The following ZNF738 variants were observed in gnomAD, a reference collection of about 807,000 sequenced individuals.
ZNF738 encodes the protein protein ZNF738.
A neutral mutation model predicts 9.2 loss-of-function variants in ZNF738; 10 were observed. The observed-to-expected ratio is 1.09, with a 90% CI of 0.67 to 1.85. The LOEUF (loss-of-function observed/expected upper bound fraction) is 1.85. Among genes scored for constraint, ZNF738 ranks in the 40% most tolerant of loss-of-function variants. The pLI is 0.00. For missense variants in ZNF738, 346 were observed against 283.6 expected (o/e 1.22, Z -1.58); for synonymous variants, 113 against 94.5 (o/e 1.20, Z -1.14).
intron 4 of ZNF738, among the ~76,000 whole-genome samples, chr19:21,376,694 A>G (rs1568369826): frequency 6.6e-6 from 1 of 152,014 alleles, no homozygotes; most frequent in Non-Finnish European, 1.5e-5. Flanking sequence ...ACAGGCATGC[A>G]CCACCATGAG....
intron 2 of ZNF738, among the ~76,000 whole-genome samples, chr19:21,365,757 G>C (rs1181177074): frequency 6.6e-6 from 1 of 152,058 alleles, no homozygotes; most frequent in Non-Finnish European, 1.5e-5. Context: ...AGGAGTTCAA[G>C]ACCAGCCTGA....
chr19:21,381,125 C>G (rs943613579), intron 4 of ZNF738: 6 of 752,480 alleles, frequency 8.0e-6, no homozygotes, highest in African/African-American at 7.1e-5. Flanking sequence ...AAGGCAGCAG[C>G]ACATTAAGCA....
chr19:21,385,157 C>A lies in ZNF738; in HGVS notation c.*1483C>A, dbSNP rs538960959. On this transcript the variant is annotated 3_prime_UTR_variant, in exon 5 of 5. Transcript: ENST00000683779. ...CCTGGTCAATGGTCCTCTACCCTTACTAAAGATAAAAGAGTTTGACTGGGT... is the reference window on the plus strand; with the variant it reads ...CCTGGTCAATGGTCCTCTACCCTTAATAAAGATAAAAGAGTTTGACTGGGT... Among the ~76,000 whole-genome samples, 2 of 151,530 alleles carry A rather than the reference C, an allele frequency of 1.3e-5. No individual in the cohort carries two copies. The highest frequency in any genetic ancestry group is 2.9e-5 in the Non-Finnish European group (2 of 67,826).
At chr19:21,378,094 T>C (rs1973956634) in intron 4 of ZNF738, 1 of 397,448 alleles carries the variant, frequency 2.5e-6, no homozygotes, top group Non-Finnish European at 4.4e-6. Context: ...AAATGAACTT[T>C]TGTTGCATGC....
At chr19:21,382,379 C>T (rs1212685825) in intron 4 of ZNF738, among the ~76,000 whole-genome samples, 1 of 152,006 alleles carries the variant, frequency 6.6e-6, no homozygotes, top group African/African-American at 2.4e-5. Flanking sequence ...TCTGGGACTA[C>T]AGGCACACAC....
At chr19:21,370,177 A>G (rs1277133784) in intron 2 of ZNF738, among the ~76,000 whole-genome samples, 2 of 152,230 alleles carry the variant, frequency 1.3e-5, no homozygotes, top group East Asian at 1.9e-4. Context: ...TTGTGTTTAC[A>G]TGATGAGTAA....
rs1387211948 is a variant in ZNF738, at chr19:21,361,674, G to A, written c.4-92G>A. The A allele has an allele frequency of 5.5e-6, 4 of 727,130 alleles. No homozygotes were observed. In the African/African-American group the frequency reaches 6.9e-5, roughly 13 times the overall value. The allele number at this position is 727,130 out of a possible 1,614,324, so 45.0% of individuals were successfully genotyped here. ...AGTTTTTTCCCGGTCCTGGGTTTCA[G>A]TATTATCTGGGGATAAACCGAGATA... On this transcript the variant is annotated intron_variant, in intron 1 of 4. Transcript: ENST00000683779.
intron 4 of ZNF738, chr19:21,377,427 C>T (rs878984033): frequency 1.1e-5 from 8 of 707,380 alleles, no homozygotes; most frequent in South Asian, 9.0e-5. Context: ...AATTATATTG[C>T]TGTCTAGGTG....
chr19:21,373,975 G>A (rs1258233911), intron 2 of ZNF738, among the ~76,000 whole-genome samples: 1 of 152,104 alleles, frequency 6.6e-6, no homozygotes, highest in East Asian at 1.9e-4. Context: ...ATATCCCAGA[G>A]CCTTCTCTAC....
Position 21,384,181 on chromosome 19 carries a change from G to C in ZNF738, c.*507G>C. 1 of 1,429,872 alleles carries C rather than the reference G, an allele frequency of 7.0e-7. No individual in the cohort carries two copies. The highest frequency in any genetic ancestry group is 1.1e-5 in the South Asian group (1 of 87,400). The allele number at this position is 1,429,872 out of a possible 1,614,324, so 88.6% of individuals were successfully genotyped here. On this transcript the variant is annotated 3_prime_UTR_variant, in exon 5 of 5. Transcript: ENST00000683779. The stretch of plus-strand genomic sequence containing the variant: ...AAACGCTACAAATGTGAGGAATGTG[G>C]CAAAGCTTTTAACTGGTACTCACGC...
At chr19:21,378,801 G>A in intron 4 of ZNF738, 1 of 214,098 alleles carries the variant, frequency 4.7e-6, no homozygotes, top group Non-Finnish European at 1.0e-5. Flanking sequence ...GTTTCTCCAT[G>A]TTGGTCAGGC....
chr19:21,369,001 G>A (rs1039434472), intron 2 of ZNF738, among the ~76,000 whole-genome samples: 10 of 152,190 alleles, frequency 6.6e-5, no homozygotes, highest in African/African-American at 2.4e-4. Context: ...GCCTCCCAAA[G>A]TGTTGGGATT....
At chr19:21,363,316 G>A (rs1438406994) in intron 2 of ZNF738, among the ~76,000 whole-genome samples, 2 of 152,178 alleles carry the variant, frequency 1.3e-5, no homozygotes, top group Non-Finnish European at 2.9e-5. Flanking sequence ...CTTGAGCCCA[G>A]TGACTCAGAG....
chr19:21,382,058 C>CTTTA, intron 4 of ZNF738: 1 of 94,530 alleles, frequency 1.1e-5, no homozygotes, highest in Admixed American at 1.2e-4. Context: ...TTCTTTTTTT[C>CTTTA]TTTCTTTCTT....
At chr19:21,360,416 T>G (rs1973667878) in intron 1 of ZNF738, 1 of 152,274 alleles carries the variant, frequency 6.6e-6, no homozygotes, top group Non-Finnish European at 1.5e-5. Context: ...CAGCTTTTCC[T>G]CCCTAATTCA....
chr19:21,361,284 G>A (rs1973687735), intron 1 of ZNF738, among the ~76,000 whole-genome samples: 1 of 151,694 alleles, frequency 6.6e-6, no homozygotes, highest in South Asian at 2.1e-4. Flanking sequence ...TTACAGGCAT[G>A]TGCCAGCCAC....
intron 2 of ZNF738, among the ~76,000 whole-genome samples, chr19:21,367,993 A>G (rs527954492): frequency 1.1e-4 from 17 of 152,346 alleles, no homozygotes; most frequent in African/African-American, 4.1e-4. Flanking sequence ...ATCTGCCTGC[A>G]TGGACACAGA....
intron 2 of ZNF738, among the ~76,000 whole-genome samples, chr19:21,364,183 C>T (rs1273555946): frequency 2.8e-5 from 2 of 70,232 alleles, no homozygotes; most frequent in South Asian, 1.0e-3. Context: ...GGCAATAGAG[C>T]GAGAATCCGT....
rs1004721320 is a variant in ZNF738, at chr19:21,383,617, A to G, written c.1071A>G (p.Ser357=). Residue 357 remains serine, a synonymous_variant, in exon 5 of 5, where the codon TCA becomes TCG. Transcript: ENST00000683779. ...GTGGCAAAGCTTTTAATTGGTACTC[A>G]CACCTTACCAGACATAAGATAATTC... ...EECGKAFNWY[S]HLTRHKIIHT... 7 of 960,050 alleles carry G rather than the reference A, an allele frequency of 7.3e-6. No individual in the cohort carries two copies. The African/African-American group carries it at 9.6e-5, about 13-fold the overall frequency. The allele number at this position is 960,050 out of a possible 1,614,324, so 59.5% of individuals were successfully genotyped here. A position where few individuals can be genotyped will look rare whatever the true frequency, so the allele number is the denominator to read the frequency against.
Sources: allele counts gnomAD v4.1 joint callset (sites outside exome capture counted in the v4.1 genomes callset), GRCh38; gene constraint gnomAD v4.1.1; transcripts MANE v1.5; gene names NCBI Gene and HGNC (gene_info 2026-07-23, HGNC 2026-07-21).